Variants in EPAS1 observed in about 807,000 individuals in gnomAD.
EPAS1 encodes the protein endothelial PAS domain protein 1.
Under a neutral mutation model 87.9 loss-of-function variants are expected in EPAS1, and 23 were observed. The ratio of observed to expected loss-of-function variants is 0.26; its 90% CI spans 0.19 to 0.37. The LOEUF is 0.37. EPAS1 is among the 10% of genes least tolerant of loss of function. The probability of loss-of-function intolerance (pLI) is 1.00; values close to 1 mark genes in which losing one functional copy is unlikely to be tolerated. For missense variants in EPAS1, 1,138 were observed against 1,120.7 expected (o/e 1.02, Z -0.22); for synonymous variants, 508 against 444.3 (o/e 1.14, Z -1.80).
chr2:46,378,656 G>C lies in EPAS1; in HGVS notation c.1444-1G>C. The C allele has an allele frequency of 6.2e-7, 1 of 1,613,692 alleles. No homozygotes were observed. The highest frequency in any genetic ancestry group is 1.3e-5 in the African/African-American group (1 of 74,998). On this transcript the variant is annotated splice_acceptor_variant, in intron 10 of 15. Coordinates refer to ENST00000263734, the MANE Select transcript of EPAS1 (RefSeq NM_001430.5). LOFTEE classifies it high-confidence loss of function. The stretch of plus-strand genomic sequence containing the variant: ...CTGTCCCCCTCCTTCCTGGCCCCTA[G>C]CCCAATAGCCCTGAAGACTATTACA...
intron 11 of EPAS1, chr2:46,379,872 G>A (rs1572648657): frequency 2.5e-6 from 1 of 395,314 alleles, no homozygotes; most frequent in East Asian, 5.9e-5. Flanking sequence ...GTAGGACAAG[G>A]ATAACCACCA....
intron 1 of EPAS1, among the ~76,000 whole-genome samples, chr2:46,303,160 C>T (rs1273694015): frequency 6.6e-6 from 1 of 152,184 alleles, no homozygotes; most frequent in East Asian, 1.9e-4. Context: ...AAAAGATAAG[C>T]TCTGAGTAGC....
chr2:46,378,886 C>G (rs1387470419), intron 11 of EPAS1, 119 bp downstream of exon 11: 2 of 978,674 alleles, frequency 2.0e-6, no homozygotes, highest in Non-Finnish European at 3.2e-6. Flanking sequence ...GACGTTTGGC[C>G]AAGGCCCAGG....
chr2:46,376,099 GA>G (rs1684741142), intron 8 of EPAS1, among the ~76,000 whole-genome samples: 1 of 152,156 alleles, frequency 6.6e-6, no homozygotes, highest in Admixed American at 6.5e-5. Context: ...CCCAGGTGGG[GA>G]GGCAGATAGC....
intron 1 of EPAS1, among the ~76,000 whole-genome samples, chr2:46,324,283 G>A (rs1683510883): frequency 6.6e-6 from 1 of 152,166 alleles, no homozygotes; most frequent in Non-Finnish European, 1.5e-5. Flanking sequence ...TAGCCAGGAT[G>A]GTCTCGATCT....
chr2:46,313,672 A>G (rs1320857644), intron 1 of EPAS1, among the ~76,000 whole-genome samples: 1 of 152,112 alleles, frequency 6.6e-6, no homozygotes, highest in East Asian at 1.9e-4. Flanking sequence ...GGCTGGTCTC[A>G]AACTCTGACC....
Position 46,316,258 on chromosome 2 carries a change from C to CT in EPAS1, c.26+18321_26+18322insT, listed in dbSNP as rs1474144586. ...TATGTCTAAAAAACAATGTACATAC[C>CT]CTTTTTTTTTTTCTTTTTGAGACAC... On this transcript the variant is annotated intron_variant, in intron 1 of 15. Coordinates refer to ENST00000263734, the MANE Select transcript of EPAS1 (RefSeq NM_001430.5). 2.3e-3 allele frequency among the ~76,000 whole-genome samples: 334 copies of CT among 144,392 alleles called. 3 individuals carry two copies. The highest frequency in any genetic ancestry group is 9.3e-3 in the African/African-American group (321 of 34,548). 94.7% of individuals were successfully genotyped at this position (144,392 alleles called of 152,430 possible).
chr2:46,340,325 C>T (rs1017430994), intron 1 of EPAS1, among the ~76,000 whole-genome samples: 8 of 152,142 alleles, frequency 5.3e-5, no homozygotes. Flanking sequence ...TGAATGCAGT[C>T]CAGGCCCTCT....
chr2:46,298,111 C>A (rs1682923470), intron 1 of EPAS1, among the ~76,000 whole-genome samples, 174 bp downstream of exon 1: 1 of 152,102 alleles, frequency 6.6e-6, no homozygotes, highest in South Asian at 2.1e-4. Context: ...GGGCGCGGAT[C>A]AGCAGCTTTG....
At chr2:46,368,761 C>A (rs1297869020) in intron 6 of EPAS1, among the ~76,000 whole-genome samples, 5 of 152,182 alleles carry the variant, frequency 3.3e-5, no homozygotes, top group Non-Finnish European at 5.9e-5. Context: ...TGTGGCATCA[C>A]TTCTAACTTG....
intron 1 of EPAS1, among the ~76,000 whole-genome samples, chr2:46,343,096 A>G (rs1683943703): frequency 6.6e-6 from 1 of 152,186 alleles, no homozygotes. Context: ...CTTTTATGGA[A>G]CACTGCAGAG....
At chr2:46,342,507 G>A (rs920920936) in intron 1 of EPAS1, among the ~76,000 whole-genome samples, 2 of 152,122 alleles carry the variant, frequency 1.3e-5, no homozygotes, top group African/African-American at 4.8e-5. Context: ...ACCTTATAGG[G>A]TAATAGGCAT....
intron 6 of EPAS1, among the ~76,000 whole-genome samples, chr2:46,362,741 T>C (rs1684419054): frequency 6.6e-6 from 1 of 152,226 alleles, no homozygotes; most frequent in African/African-American, 2.4e-5. Context: ...TGGCCACCAC[T>C]TGTGGCACAA....
rs1685021873 is a variant in EPAS1, at chr2:46,386,220, T to A, written c.*1560T>A. 2 of 152,618 alleles carry A rather than the reference T, an allele frequency of 1.3e-5. No homozygotes were observed. Among genetic ancestry groups the A allele is most frequent in the South Asian group, 4.1e-4 (2 of 4,830 alleles). The allele number at this position is 152,618 out of a possible 1,614,324, so 9.5% of individuals were successfully genotyped here. A position where few individuals can be genotyped will look rare whatever the true frequency, so the allele number is the denominator to read the frequency against. ...CTCTGGTTTTTCAATACCAATTACA[T>A]GGAACTTTTCTGTAATGGGTACAAT... On this transcript the variant is annotated 3_prime_UTR_variant, in exon 16 of 16. Coordinates refer to ENST00000263734, the MANE Select transcript of EPAS1 (RefSeq NM_001430.5).
At chr2:46,353,402 C>G (rs988936360) in intron 2 of EPAS1, among the ~76,000 whole-genome samples, 2 of 152,198 alleles carry the variant, frequency 1.3e-5, no homozygotes, top group Admixed American at 6.5e-5. Flanking sequence ...GCGTGCAGCA[C>G]AGGCAGTCTT....
Position 46,356,215 on chromosome 2 carries a change from C to T in EPAS1, c.282C>T (p.Ala94=). 1 of 1,612,522 alleles carries T rather than the reference C, an allele frequency of 6.2e-7. No individual in the cohort carries two copies. The change falls in exon 3 of 16, where the codon GCC becomes GCT. Residue 94 remains alanine, a synonymous_variant. Transcript: ENST00000263734. ...AGATGGACAACTTGTACCTGAAAGC[C>T]TTGGAGGGTTTCATTGCCGTGGTGA... ...DQQMDNLYLK[A]LEGFIAVVTQ... is the part of the protein sequence containing the mutation.
At position 46,380,231 on chromosome 2, in the gene EPAS1, A is replaced by G; in HGVS notation, c.1559A>G (p.Asp520Gly). The G allele has an allele frequency of 1.2e-6, 2 of 1,611,098 alleles. No individual in the cohort carries two copies. The highest frequency in any genetic ancestry group is 1.7e-6 in the Non-Finnish European group (2 of 1,179,976). ...GCCGGTGCTGTCTCCCCTCAGACGG[A>G]TTTCAATGAGCTGGACTTGGAGACA... ...EAKDQCSTQT[D>G]FNELDLETLA... Residue 520 changes from aspartate to glycine, a missense_variant, in exon 12 of 16, where the codon GAT becomes GGT. This residue lies in a region of EPAS1 where 284 missense variants were observed against 258.4 expected (regional missense o/e 1.10). Coordinates refer to ENST00000263734, the MANE Select transcript of EPAS1 (RefSeq NM_001430.5). The surrounding 1 kb of genome is among the most constrained non-coding windows in gnomAD (Gnocchi z 4.4).
intron 1 of EPAS1, among the ~76,000 whole-genome samples, chr2:46,320,281 C>T (rs922289204): frequency 1.3e-4 from 20 of 152,104 alleles, no homozygotes; most frequent in African/African-American, 4.6e-4. Flanking sequence ...GGTCATTACC[C>T]GATTCTGGTA....
In EPAS1 at chr2:46,360,727, A is replaced by G. The variant is rs749921118; in HGVS notation, c.544A>G (p.Thr182Ala). Reference protein sequence around the residue: ...MKCTVTNRGRTVNLKSATWKV... With the variant: ...MKCTVTNRGRAVNLKSATWKV... ...GTGCACGGTCACCAACAGAGGCCGT[A>G]CTGTCAACCTCAAGTCAGCCACCTG... Residue 182 changes from threonine (T) to alanine (A), a missense_variant, in exon 5 of 16, where the codon ACT (threonine) becomes GCT (alanine). Thr to Ala is a moderately conservative substitution (Grantham distance 58). Coordinates refer to ENST00000263734, the MANE Select transcript of EPAS1 (RefSeq NM_001430.5). The surrounding 1 kb of genome is among the most constrained non-coding windows in gnomAD (Gnocchi z 4.5). 1 of 1,614,070 alleles carries G rather than the reference A, an allele frequency of 6.2e-7. No homozygotes were observed. Among genetic ancestry groups the G allele is most frequent in the Non-Finnish European group, 8.5e-7 (1 of 1,180,028 alleles).
Sources: allele counts gnomAD v4.1 joint callset (sites outside exome capture counted in the v4.1 genomes callset), GRCh38; gene constraint gnomAD v4.1.1; regional missense constraint gnomAD v4.1.1; non-coding constraint Gnocchi (gnomAD v3.1); transcripts MANE v1.5; gene names NCBI Gene and HGNC (gene_info 2026-07-23, HGNC 2026-07-21).